CAMK2G: variants seen among roughly 807,000 people sequenced by gnomAD.
CAMK2G encodes the protein calcium/calmodulin dependent protein kinase II gamma.
A neutral mutation model predicts 88.7 loss-of-function variants in CAMK2G; 23 were observed. The observed-to-expected ratio is 0.26, with a 90% CI of 0.19 to 0.37. The LOEUF (loss-of-function observed/expected upper bound fraction) is 0.37, where lower values mean the gene tolerates loss of function less well. Ranked by LOEUF, CAMK2G falls within the 10% of genes least tolerant of loss-of-function variation. CAMK2G has a pLI of 1.00. For synonymous variants in CAMK2G, 263 were observed against 294.8 expected (o/e 0.89, Z 1.11); for missense variants, 476 against 780.8 (o/e 0.61, Z 4.65).
rs374906161 is a variant in CAMK2G, at chr10:73,848,276, G to A, written c.602-194C>T. On this transcript the variant is annotated intron_variant, in intron 8 of 22. Transcript: ENST00000423381. This position sits in a 1 kb window ranked among gnomAD's most constrained non-coding sequence, Gnocchi z 4.5. ...CACTTCACGTCACCAAGTCACACCA[G>A]GGATTTCTTTAGGCACAACCCATCC... Among the ~76,000 whole-genome samples the A allele has an allele frequency of 6.6e-6, 1 of 152,184 alleles. No homozygotes were observed. The highest frequency in any genetic ancestry group is 1.5e-5 in the Non-Finnish European group (1 of 68,032).
At chr10:73,856,852 G>C (rs1213433128) in intron 3 of CAMK2G, among the ~76,000 whole-genome samples, 2 of 152,254 alleles carry the variant, frequency 1.3e-5, no homozygotes, top group Admixed American at 6.5e-5. Context: ...CAAGGACTGA[G>C]ATAGCCACAA....
chr10:73,856,195 GTAGCTACTTACA>G (rs1307025733), intron 3 of CAMK2G, among the ~76,000 whole-genome samples: 1 of 152,194 alleles, frequency 6.6e-6, no homozygotes, highest in African/African-American at 2.4e-5. Context: ...GCTCTGCAGG[GTAGCTACTTACA>G]TATAAATAAC....
At chr10:73,859,943 A>C (rs1168319556) in intron 3 of CAMK2G, among the ~76,000 whole-genome samples, 1 of 152,178 alleles carries the variant, frequency 6.6e-6, no homozygotes, top group African/African-American at 2.4e-5. Flanking sequence ...CCTCTGGGGC[A>C]CGGTGGGAGC....
At chr10:73,859,133 G>C (rs567444401) in intron 3 of CAMK2G, among the ~76,000 whole-genome samples, 51 of 152,368 alleles carry the variant, frequency 3.3e-4, no homozygotes, top group Non-Finnish European at 6.6e-4. Context: ...GCTTATGGGT[G>C]GCTTTAGTCA....
chr10:73,868,623 G>C (rs2095683384), intron 2 of CAMK2G, among the ~76,000 whole-genome samples: 2 of 152,170 alleles, frequency 1.3e-5, no homozygotes, highest in South Asian at 2.1e-4. Context: ...ATGCTTCCTC[G>C]AGGCCTGTGT....
At position 73,829,770 on chromosome 10, in the gene CAMK2G, C is replaced by T. The variant is rs1261270129; in HGVS notation, c.1054-1649G>A. Among the ~76,000 whole-genome samples the T allele has an allele frequency of 4.0e-5, 6 of 149,812 alleles. No homozygotes were observed. In the South Asian group the frequency reaches 6.3e-4, roughly 16 times the overall value. On this transcript the variant is annotated intron_variant, in intron 14 of 22. Coordinates refer to ENST00000423381, the MANE Select transcript of CAMK2G (RefSeq NM_001367534.1). ...ATCCCTTTACCCAACTAAAGTGTTACTGCTTTCAGGAAGGTTCCTATCTTA... is the reference window on the plus strand; with the variant it reads ...ATCCCTTTACCCAACTAAAGTGTTATTGCTTTCAGGAAGGTTCCTATCTTA...
At chr10:73,859,542 C>T (rs2095269126) in intron 3 of CAMK2G, among the ~76,000 whole-genome samples, 2 of 152,202 alleles carry the variant, frequency 1.3e-5, no homozygotes, top group Admixed American at 6.5e-5. Flanking sequence ...GTCCCCACTG[C>T]GCTGTTTTCA....
chr10:73,841,190 C>T (rs561849788), intron 12 of CAMK2G, among the ~76,000 whole-genome samples: 48 of 152,360 alleles, frequency 3.2e-4, no homozygotes, highest in African/African-American at 1.1e-3. Flanking sequence ...CCAGCGCAGG[C>T]GAGCCCAGCA....
chr10:73,866,740 ATCT>A (rs2095610643), intron 2 of CAMK2G, among the ~76,000 whole-genome samples: 1 of 152,058 alleles, frequency 6.6e-6, no homozygotes, highest in African/African-American at 2.4e-5. Context: ...AGTGCCTTTC[ATCT>A]TCTTCCCAAG....
At chr10:73,818,431 G>A (rs1367781977) in intron 19 of CAMK2G, 2 of 330,744 alleles carry the variant, frequency 6.0e-6, no homozygotes, top group Non-Finnish European at 1.2e-5. Context: ...TGCCACCAGG[G>A]TAAGGGAGAG....
At chr10:73,849,483 C>A (rs1340310390) in intron 5 of CAMK2G, 150 bp from the exon 6 acceptor site, 1 of 608,866 alleles carries the variant, frequency 1.6e-6, no homozygotes, top group Non-Finnish European at 3.0e-6. Context: ...AGACTCTGCA[C>A]ATCATCTTGT....
intron 13 of CAMK2G, among the ~76,000 whole-genome samples, chr10:73,837,714 G>A (rs2093385899): frequency 6.6e-6 from 1 of 152,154 alleles, no homozygotes; most frequent in Non-Finnish European, 1.5e-5. Flanking sequence ...TGGCACCTCA[G>A]GATCTCCTCT....
chr10:73,816,378 T>C (rs963851312), intron 21 of CAMK2G: 1 of 1,007,348 alleles, frequency 9.9e-7, no homozygotes, highest in African/African-American at 1.7e-5. Flanking sequence ...ACACAGAGCT[T>C]AGTTCTTATG....
Position 73,839,536 on chromosome 10 carries a change from T to TACC in CAMK2G, c.1009_1009+2dup. Reference sequence around the variant, plus strand: ...GCGGTCGGGGAGGACTCATGCCACGTACCTTGCCCGGCCAGGCCGGCGGCG... The same window carrying TACC: ...GCGGTCGGGGAGGACTCATGCCACGTACCACCTTGCCCGGCCAGGCCGGCGGCG... On this transcript the variant is annotated splice_region_variant and intron_variant, in intron 13 of 22. Transcript: ENST00000423381. This position sits in a 1 kb window ranked among gnomAD's most constrained non-coding sequence, Gnocchi z 4.2. 8.1e-7 allele frequency: 1 copy of TACC among 1,234,380 alleles called. No individual in the cohort carries two copies. The highest frequency in any genetic ancestry group is 2.2e-4 in the Middle Eastern group (1 of 4,580). 76.5% of individuals were successfully genotyped at this position (1,234,380 alleles called of 1,614,324 possible). A position where few individuals can be genotyped will look rare whatever the true frequency, so the allele number is the denominator to read the frequency against.
chr10:73,855,940 A>C (rs2094996973), intron 3 of CAMK2G, among the ~76,000 whole-genome samples: 1 of 151,892 alleles, frequency 6.6e-6, no homozygotes, highest in African/African-American at 2.4e-5. Flanking sequence ...CAGATTCATT[A>C]TTTCTTTTTT....
At chr10:73,824,179 C>G (rs2090133730) in intron 16 of CAMK2G, 95 bp from the exon 17 acceptor site, 1 of 852,988 alleles carries the variant, frequency 1.2e-6, no homozygotes, top group Non-Finnish European at 2.0e-6. Flanking sequence ...CCCCGCAGAC[C>G]CTATGATGAC....
rs2084669282 is a variant in CAMK2G, at chr10:73,813,754, A to G, written c.*764T>C. 6.5e-6 allele frequency: 1 copy of G among 152,728 alleles called. No individual in the cohort carries two copies. The highest frequency in any genetic ancestry group is 2.1e-4 in the South Asian group (1 of 4,824). 9.5% of individuals were successfully genotyped at this position (152,728 alleles called of 1,614,324 possible). ...GGCCCACATGCATTGTGCATCCTATAGAAATGGATGAGTGAGTGCATGTCA... is the reference window on the plus strand; with the variant it reads ...GGCCCACATGCATTGTGCATCCTATGGAAATGGATGAGTGAGTGCATGTCA... On this transcript the variant is annotated 3_prime_UTR_variant, in exon 23 of 23. Coordinates refer to ENST00000423381, the MANE Select transcript of CAMK2G (RefSeq NM_001367534.1).
intron 2 of CAMK2G, among the ~76,000 whole-genome samples, chr10:73,869,155 C>T (rs1191049025): frequency 6.6e-6 from 1 of 152,238 alleles, no homozygotes; most frequent in Non-Finnish European, 1.5e-5. Context: ...ATGAAATTCA[C>T]TGGAGCATGT....
chr10:73,848,826 T>G lies in CAMK2G; in HGVS notation c.517+187A>C, dbSNP rs2094429551. On this transcript the variant is annotated intron_variant, in intron 7 of 22. Coordinates refer to ENST00000423381, the MANE Select transcript of CAMK2G (RefSeq NM_001367534.1). This position sits in a 1 kb window ranked among gnomAD's most constrained non-coding sequence, Gnocchi z 4.5. ...ATGCCTACCAGGAACTCCAGCTCCT[T>G]CCCACAGGCAGCAAGAAAGCAGTGC... Among the ~76,000 whole-genome samples the G allele has an allele frequency of 6.6e-6, 1 of 152,116 alleles. No individual in the cohort carries two copies. Among genetic ancestry groups the G allele is most frequent in the Non-Finnish European group, 1.5e-5 (1 of 68,030 alleles).
Sources: allele counts gnomAD v4.1 joint callset (sites outside exome capture counted in the v4.1 genomes callset), GRCh38; gene constraint gnomAD v4.1.1; non-coding constraint Gnocchi (gnomAD v3.1); transcripts MANE v1.5; gene names NCBI Gene and HGNC (gene_info 2026-07-23, HGNC 2026-07-21).